ZNF469: variants seen among roughly 807,000 people sequenced by gnomAD.
ZNF469 encodes zinc finger protein 469.
ZNF469 carries 1 observed loss-of-function variant against 1.0 expected under a neutral mutation model. The ratio of observed to expected loss-of-function variants is 1.00; its 90% CI spans 0.35 to 4.73. The LOEUF (loss-of-function observed/expected upper bound fraction) is 4.73. Ranked by LOEUF, ZNF469 falls within the 30% of genes most tolerant of loss-of-function variation. The pLI, the probability that ZNF469 is intolerant of heterozygous loss-of-function variation, is 0.16. For synonymous variants in ZNF469, 2,703 were observed against 2,363.4 expected, an observed-to-expected ratio of 1.14 and a Z score of -4.17; for missense variants, 6,100 against 5,356.3, an observed-to-expected ratio of 1.14 and a Z score of -4.33.
chr16:88,206,365 C>T, the ZNF469 span, among the ~76,000 whole-genome samples: 8 of 152,288 alleles, frequency 5.3e-5, no homozygotes, highest in Admixed American at 2.0e-4. Context: ...GGGCGCCTCC[C>T]TTGGGACTTC....
At chr16:88,304,330 C>T in the ZNF469 span, among the ~76,000 whole-genome samples, 5 of 152,214 alleles carry the variant, frequency 3.3e-5, no homozygotes, top group Non-Finnish European at 5.9e-5. Context: ...CTGTGGGCTC[C>T]TCCCACCCTG....
At chr16:88,331,036 C>G in the ZNF469 span, among the ~76,000 whole-genome samples, 1 of 117,452 alleles carries the variant, frequency 8.5e-6, no homozygotes, top group East Asian at 2.3e-4. Context: ...ACTATTACCA[C>G]CATCATCACC....
the ZNF469 span, among the ~76,000 whole-genome samples, chr16:88,153,619 C>T: frequency 6.6e-6 from 1 of 152,206 alleles, no homozygotes; most frequent in African/African-American, 2.4e-5. Context: ...CTGTGGACTG[C>T]GGGAGGCCTT....
the ZNF469 span, among the ~76,000 whole-genome samples, chr16:88,258,826 T>C: frequency 6.6e-6 from 1 of 152,196 alleles, no homozygotes; most frequent in Non-Finnish European, 1.5e-5. Flanking sequence ...ACAGTAATCC[T>C]TCTACACAGA....
chr16:88,231,439 G>A, the ZNF469 span, among the ~76,000 whole-genome samples: 2 of 152,230 alleles, frequency 1.3e-5, no homozygotes, highest in Non-Finnish European at 2.9e-5. This position sits in a 1 kb window ranked among gnomAD's most constrained non-coding sequence, Gnocchi z 4.5. Flanking sequence ...GTGCCACGGG[G>A]CTGCGACGAG....
At chr16:88,319,028 A>C in the ZNF469 span, among the ~76,000 whole-genome samples, 1 of 152,266 alleles carries the variant, frequency 6.6e-6, no homozygotes, top group East Asian at 1.9e-4. Context: ...CTAGCAGGTC[A>C]TTTTGTATTG....
the ZNF469 span, among the ~76,000 whole-genome samples, chr16:88,264,354 G>A: frequency 3.3e-5 from 5 of 151,884 alleles, no homozygotes; most frequent in African/African-American, 1.2e-4. Flanking sequence ...CAGCCCTGAT[G>A]CCCACCTTCC....
At chr16:88,112,772 CTTTTT>C in the ZNF469 span, among the ~76,000 whole-genome samples, 60 of 73,482 alleles carry the variant, frequency 8.2e-4, no homozygotes, top group African/African-American at 3.4e-3. Flanking sequence ...TGTGCAGAAG[CTTTTT>C]TTTTTTTTTT....
the ZNF469 span, among the ~76,000 whole-genome samples, chr16:88,348,605 G>C: frequency 6.6e-6 from 1 of 152,180 alleles, no homozygotes; most frequent in Non-Finnish European, 1.5e-5. Context: ...TGTCCCAGTG[G>C]ACCGGGTCAA....
chr16:88,211,612 T>C, the ZNF469 span, among the ~76,000 whole-genome samples: 9 of 152,286 alleles, frequency 5.9e-5, no homozygotes, highest in African/African-American at 1.9e-4. Flanking sequence ...TAATGGGCAA[T>C]TCACTTAGCT....
chr16:88,192,517 TA>T, the ZNF469 span, among the ~76,000 whole-genome samples: 1,224 of 152,304 alleles, frequency 8.0e-3, 24 homozygotes, highest in East Asian at 0.045. Context: ...TACAACACCT[TA>T]CTGGGTCTCA....
At chr16:88,261,231 CA>C in the ZNF469 span, among the ~76,000 whole-genome samples, 2 of 152,220 alleles carry the variant, frequency 1.3e-5, no homozygotes, top group African/African-American at 4.8e-5. This position sits in a 1 kb window ranked among gnomAD's most constrained non-coding sequence, Gnocchi z 6.0. Context: ...TTGAGGGAGG[CA>C]AAGTGTGCAG....
rs1279609200 is a variant in ZNF469 at position 88,434,852 on chromosome 16, G to T, written c.7382G>T (p.Gly2461Val). Reference protein sequence around the residue: ...YKKKPASTENGQWKGQAPHGP... With the variant: ...YKKKPASTENVQWKGQAPHGP... ...AAGAAGCCTGCATCTACAGAGAACG[G>T]CCAGTGGAAGGGCCAAGCTCCACAT... is the stretch of plus-strand genomic sequence containing the variant. Residue 2461 changes from glycine (G) to valine (V), a missense_variant, in exon 3 of 3, where the codon GGC becomes GTC. Coordinates refer to ENST00000565624, the MANE Select transcript of ZNF469 (RefSeq NM_001367624.2). 4 of 1,550,222 alleles carry T rather than the reference G, an allele frequency of 2.6e-6. No individual in the cohort carries two copies. The highest frequency in any genetic ancestry group is 3.5e-6 in the Non-Finnish European group (4 of 1,146,998).
chr16:88,145,019 C>T, the ZNF469 span, among the ~76,000 whole-genome samples: 6 of 151,762 alleles, frequency 4.0e-5, no homozygotes, highest in Non-Finnish European at 8.8e-5. Flanking sequence ...CCAGCTAATT[C>T]TTATATTTTT....
rs1000504137 is a variant in ZNF469, at chr16:88,433,817, C to T, written c.6347C>T (p.Ser2116Leu). The T allele has an allele frequency of 2.6e-6, 4 of 1,549,776 alleles. No individual in the cohort carries two copies. In the African/African-American group the frequency reaches 5.5e-5, roughly 21 times the overall value. ...SVGDLAACAP[S>L]PTSAAHMPCS... ...GGGGACCTGGCCGCCTGCGCCCCCT[C>T]ACCCACTTCAGCCGCCCACATGCCC... is the stretch of plus-strand genomic sequence containing the variant. The change falls in exon 3 of 3, where the codon TCA (serine) becomes TTA (leucine). Residue 2116 changes from serine to leucine, a missense_variant. Coordinates refer to ENST00000565624, the MANE Select transcript of ZNF469 (RefSeq NM_001367624.2).
the ZNF469 span, among the ~76,000 whole-genome samples, chr16:88,136,617 G>T: frequency 2.0e-3 from 306 of 152,376 alleles, 5 homozygotes; most frequent in African/African-American, 7.1e-3. Context: ...GTGGGGGCCC[G>T]TTGACATTTT....
the ZNF469 span, among the ~76,000 whole-genome samples, chr16:88,360,309 C>T: frequency 1.5e-4 from 23 of 152,324 alleles, no homozygotes; most frequent in African/African-American, 5.3e-4. Flanking sequence ...TGTGAGCCAC[C>T]GTGCCTGGCC....
the ZNF469 span, among the ~76,000 whole-genome samples, chr16:88,318,176 G>C: frequency 1.3e-5 from 2 of 152,188 alleles, no homozygotes; most frequent in Non-Finnish European, 2.9e-5. Context: ...CCAGATCTTC[G>C]GGCCCAGCCT....
the ZNF469 span, among the ~76,000 whole-genome samples, chr16:88,297,140 C>A: frequency 6.6e-6 from 1 of 152,238 alleles, no homozygotes; most frequent in South Asian, 2.1e-4. Flanking sequence ...CGGCTCTAGC[C>A]TCGAAACCTG....
Sources: allele counts gnomAD v4.1 joint callset (sites outside exome capture counted in the v4.1 genomes callset), GRCh38; gene constraint gnomAD v4.1.1; non-coding constraint Gnocchi (gnomAD v3.1); transcripts MANE v1.5; gene names NCBI Gene and HGNC (gene_info 2026-07-23, HGNC 2026-07-21).